Variants in PTPN14 observed in about 807,000 individuals in gnomAD.
The protein encoded by PTPN14 is protein tyrosine phosphatase non-receptor type 14.
Under a neutral mutation model 126.8 loss-of-function variants are expected in PTPN14, and 53 were observed. The ratio of observed to expected loss-of-function variants is 0.42; its 90% confidence interval spans 0.34 to 0.53. PTPN14 has a LOEUF of 0.53. Ranked by LOEUF, PTPN14 falls within the 20% of genes least tolerant of loss-of-function variation. The pLI is 0.08. For synonymous variants in PTPN14, 630 were observed against 599.3 expected (o/e 1.05, Z -0.75); for missense variants, 1,257 against 1,552.9 (o/e 0.81, Z 3.20).
At chr1:214,375,517 A>T (rs1351626568) in intron 15 of PTPN14, among the ~76,000 whole-genome samples, 1 of 152,222 alleles carries the variant, frequency 6.6e-6, no homozygotes, top group East Asian at 1.9e-4. Context: ...ACTCTGAGGA[A>T]GGTAAGCTAT....
intron 1 of PTPN14, among the ~76,000 whole-genome samples, chr1:214,465,391 C>T (rs1211099256): frequency 6.6e-6 from 1 of 152,128 alleles, no homozygotes; most frequent in East Asian, 1.9e-4. Context: ...GGAAGGATTA[C>T]TTAAGCCCAG....
At chr1:214,381,513 T>C (rs1369709392) in intron 13 of PTPN14, among the ~76,000 whole-genome samples, 1 of 152,232 alleles carries the variant, frequency 6.6e-6, no homozygotes, top group Admixed American at 6.5e-5. Flanking sequence ...CAAAAAGTCA[T>C]ATCTGTATAA....
Position 214,353,049 on chromosome 1 carries a change from G to C in PTPN14, c.*4873C>G, listed in dbSNP as rs918085641. The C allele has an allele frequency of 7.2e-5, 11 of 151,882 alleles. No individual in the cohort carries two copies. Among genetic ancestry groups the C allele is most frequent in the African/African-American group, 2.7e-4 (11 of 41,326 alleles). 9.4% of individuals were successfully genotyped at this position (151,882 alleles called of 1,614,324 possible). ...ACTCAATCCCATCCCTTGAATCTGT[G>C]CTCCCTGGCACACATCCTAGAATGC... On this transcript the variant is annotated 3_prime_UTR_variant, in exon 19 of 19. Coordinates refer to ENST00000366956, the MANE Select transcript of PTPN14 (RefSeq NM_005401.5).
At chr1:214,502,259 T>C (rs1654725203) in intron 1 of PTPN14, among the ~76,000 whole-genome samples, 1 of 152,034 alleles carries the variant, frequency 6.6e-6, no homozygotes. Context: ...ATCCTACTGA[T>C]GGCGGTAGGG....
chr1:214,442,714 G>A (rs1039885600), intron 3 of PTPN14, among the ~76,000 whole-genome samples: 18 of 152,062 alleles, frequency 1.2e-4, no homozygotes, highest in Non-Finnish European at 2.2e-4. Context: ...TTATGTTTAC[G>A]GCTAAGTTAA....
chr1:214,364,509 C>G lies in PTPN14; in HGVS notation c.3435+3G>C, dbSNP rs763237134. 2 of 1,613,322 alleles carry G rather than the reference C, an allele frequency of 1.2e-6. No homozygotes were observed. Among genetic ancestry groups the G allele is most frequent in the South Asian group, 2.2e-5 (2 of 90,936 alleles). ...ATCCGGAGAGAAGCCCAGAATGACT[C>G]ACTTCGTTATGTTCCAAGCAGTAGA... On this transcript the variant is annotated splice_donor_region_variant and intron_variant, in intron 18 of 18. Coordinates refer to ENST00000366956, the MANE Select transcript of PTPN14 (RefSeq NM_005401.5). This position sits in a 1 kb window ranked among gnomAD's most constrained non-coding sequence, Gnocchi z 4.1.
chr1:214,472,257 C>T (rs536096102), intron 1 of PTPN14, among the ~76,000 whole-genome samples: 1 of 152,254 alleles, frequency 6.6e-6, no homozygotes, highest in Non-Finnish European at 1.5e-5. Context: ...ATACTGAGTT[C>T]TCCCGAGATC....
intron 1 of PTPN14, among the ~76,000 whole-genome samples, chr1:214,536,093 A>G (rs1655696586): frequency 6.6e-6 from 1 of 151,856 alleles, no homozygotes; most frequent in African/African-American, 2.4e-5. Flanking sequence ...TTCAATAATA[A>G]CAACAACAAA....
At chr1:214,520,856 G>C (rs1224877189) in intron 1 of PTPN14, among the ~76,000 whole-genome samples, 1 of 151,986 alleles carries the variant, frequency 6.6e-6, no homozygotes, top group African/African-American at 2.4e-5. Context: ...ACATGGAGCT[G>C]ATGAAAAGAA....
intron 8 of PTPN14, among the ~76,000 whole-genome samples, chr1:214,396,807 T>G (rs1658889580): frequency 6.6e-6 from 1 of 152,234 alleles, no homozygotes; most frequent in African/African-American, 2.4e-5. Flanking sequence ...AACTGAAACA[T>G]TGATTTAACT....
At chr1:214,483,522 C>A in intron 1 of PTPN14, 1 of 647,956 alleles carries the variant, frequency 1.5e-6, no homozygotes, top group Non-Finnish European at 2.7e-6. Flanking sequence ...GAAGTTTCTT[C>A]TTTGTAAAAT....
Position 214,372,674 on chromosome 1 carries a change from T to A in PTPN14, c.3036+37A>T, listed in dbSNP as rs200939672. ...CCCATCTTCTGGCCACCCTTTCCCC[T>A]GGGGAAAAAGGATGTGGAGTAGGCC... On this transcript the variant is annotated intron_variant, in intron 16 of 18. Coordinates refer to ENST00000366956, the MANE Select transcript of PTPN14 (RefSeq NM_005401.5). 6.7e-5 allele frequency: 108 copies of A among 1,613,334 alleles called. 1 individual carries two copies. In the South Asian group the frequency reaches 1.2e-3, roughly 17 times the overall value.
chr1:214,417,009 G>A (rs1372205329), intron 3 of PTPN14, among the ~76,000 whole-genome samples: 1 of 151,612 alleles, frequency 6.6e-6, no homozygotes, highest in African/African-American at 2.4e-5. Context: ...GCTTTGGGTG[G>A]AGGGGAAAAG....
At position 214,356,173 on chromosome 1, in the gene PTPN14, G is replaced by C. The variant is rs2102498017; in HGVS notation, c.*1749C>G. The C allele has an allele frequency of 6.6e-6, 1 of 152,184 alleles. No individual in the cohort carries two copies. Among genetic ancestry groups the C allele is most frequent in the African/African-American group, 2.4e-5 (1 of 41,506 alleles). The allele number at this position is 152,184 out of a possible 1,614,324, so 9.4% of individuals were successfully genotyped here. A position where few individuals can be genotyped will look rare whatever the true frequency, so the allele number is the denominator to read the frequency against. On this transcript the variant is annotated 3_prime_UTR_variant, in exon 19 of 19. Coordinates refer to ENST00000366956, the MANE Select transcript of PTPN14 (RefSeq NM_005401.5). ...GGGGTTTCATCATGTTGCTCAGGCT[G>C]GTCTCGAACTCCTTAGCTCAAGCAA...
At chr1:214,547,597 G>A (rs184514246) in intron 1 of PTPN14, among the ~76,000 whole-genome samples, 1 of 152,262 alleles carries the variant, frequency 6.6e-6, no homozygotes, top group Admixed American at 6.5e-5. Flanking sequence ...GCTTCAAAAA[G>A]GGAAATCAAG....
chr1:214,435,048 G>A (rs1659880912), intron 3 of PTPN14, among the ~76,000 whole-genome samples: 1 of 152,206 alleles, frequency 6.6e-6, no homozygotes, highest in African/African-American at 2.4e-5. Flanking sequence ...AGCCATCCTA[G>A]GCTGCATGTG....
Position 214,547,538 on chromosome 1 carries a change from A to G in PTPN14, c.-155+3645T>C, listed in dbSNP as rs576615151. The stretch of plus-strand genomic sequence containing the variant: ...AGACAACATTAAAGTTCAAATAACC[A>G]GTGGCTGGCATTACACTAGAAGTGT... On this transcript the variant is annotated intron_variant, in intron 1 of 18. Transcript: ENST00000366956. Among the ~76,000 whole-genome samples, 5 of 152,332 alleles carry G rather than the reference A, an allele frequency of 3.3e-5. No homozygotes were observed. The South Asian group carries it at 8.3e-4, about 25-fold the overall frequency.
chr1:214,397,957 C>T lies in PTPN14; in HGVS notation c.714G>A (p.Gly238=). ...TTCCAATTCTGTTCCTCACGAAAATCCCCATAAAGAAAATGCCAAGGTGTA... is the reference window on the plus strand; with the variant it reads ...TTCCAATTCTGTTCCTCACGAAAATTCCCATAAAGAAAATGCCAAGGTGTA... ...NCVHLGIFFM[G]IFVRNRIGRQ... is the part of the protein sequence containing the mutation. Residue 238 remains glycine (G), a synonymous_variant, in exon 8 of 19, where the codon GGG becomes GGA. Transcript: ENST00000366956. 2 of 1,613,162 alleles carry T rather than the reference C, an allele frequency of 1.2e-6. No homozygotes were observed. Among genetic ancestry groups the T allele is most frequent in the Non-Finnish European group, 1.7e-6 (2 of 1,179,160 alleles).
intron 1 of PTPN14, among the ~76,000 whole-genome samples, chr1:214,484,015 T>C (rs903537917): frequency 6.6e-6 from 1 of 152,216 alleles, no homozygotes; most frequent in Non-Finnish European, 1.5e-5. Flanking sequence ...TAATAAAGAA[T>C]AGGACAAAAG....
Sources: gnomAD v4.1 joint callset for allele counts (sites outside exome capture counted in the v4.1 genomes callset) on GRCh38, gnomAD v4.1.1 for gene constraint, Gnocchi (gnomAD v3.1) non-coding constraint, MANE v1.5 for transcripts, NCBI Gene and HGNC (gene_info 2026-07-23, HGNC 2026-07-21) for gene names.